MYO5C: variants seen among roughly 807,000 people sequenced by gnomAD.
The protein encoded by MYO5C is unconventional myosin-Vc.
In MYO5C, 194 loss-of-function variants were observed where a neutral mutation model predicts 235.7. That is an observed-to-expected ratio of 0.82 (90% CI 0.73 to 0.93). The LOEUF is 0.93. MYO5C is among the 40% of genes least tolerant of loss of function. MYO5C has a pLI of 0.00. For synonymous variants in MYO5C, 707 were observed against 754.8 expected, an observed-to-expected ratio of 0.94 and a Z score of 1.04; for missense variants, 2,038 against 2,127.2, an observed-to-expected ratio of 0.96 and a Z score of 0.82.
At position 52,269,814 on chromosome 15, in the gene MYO5C, G is replaced by A. The variant is rs770291048; in HGVS notation, c.879C>T (p.Val293=). ...FNYTRMGGNT[V]IEGVNDRAEM... ...CAGCTCGATCATTCACACCCTCAATGACAGTATTGCCTCCCATTCTTGTAT... is the reference window on the plus strand; with the variant it reads ...CAGCTCGATCATTCACACCCTCAATAACAGTATTGCCTCCCATTCTTGTAT... The change falls in exon 8 of 41, where the codon GTC becomes GTT. Residue 293 remains valine, a synonymous_variant. Coordinates refer to ENST00000261839, the MANE Select transcript of MYO5C (RefSeq NM_018728.4). 1 of 1,613,508 alleles carries A rather than the reference G, an allele frequency of 6.2e-7. No homozygotes were observed. The highest frequency in any genetic ancestry group is 2.2e-5 in the East Asian group (1 of 44,860).
At chr15:52,256,196 G>A (rs555101699) in intron 11 of MYO5C, among the ~76,000 whole-genome samples, 1 of 152,288 alleles carries the variant, frequency 6.6e-6, no homozygotes, top group African/African-American at 2.4e-5. Context: ...AGGAGGTATC[G>A]CAGGAGGCTC....
At chr15:52,239,194 G>GC (rs1336558019) in intron 21 of MYO5C, among the ~76,000 whole-genome samples, 2 of 151,238 alleles carry the variant, frequency 1.3e-5, no homozygotes, top group South Asian at 2.1e-4. Context: ...CAGGTGATCC[G>GC]CCCCCCATGG....
chr15:52,198,571 TTGC>T (rs1460636573), intron 38 of MYO5C, among the ~76,000 whole-genome samples: 2 of 152,060 alleles, frequency 1.3e-5, no homozygotes, highest in Admixed American at 6.5e-5. Context: ...GTTGTTGTTG[TTGC>T]TTTTTGTTTG....
At chr15:52,272,412 A>G (rs2036943620) in intron 6 of MYO5C, among the ~76,000 whole-genome samples, 168 bp downstream of exon 6, 1 of 152,222 alleles carries the variant, frequency 6.6e-6, no homozygotes, top group African/African-American at 2.4e-5. Context: ...ACACCTATTC[A>G]TCCATCAATT....
At chr15:52,195,962 C>CTTTTT (rs71130140) in intron 39 of MYO5C, among the ~76,000 whole-genome samples, 924 of 80,840 alleles carry the variant, frequency 0.011, 53 homozygotes, top group East Asian at 0.029. Context: ...TCACACCCAG[C>CTTTTT]TTTTTTTTTT....
chr15:52,249,955 C>T (rs955782011), intron 13 of MYO5C, among the ~76,000 whole-genome samples: 3 of 152,214 alleles, frequency 2.0e-5, no homozygotes, highest in South Asian at 4.1e-4. Context: ...CCAGCCCAAA[C>T]GCTGCCTAGT....
rs1439958734 is a variant in MYO5C, at chr15:52,248,783, C to T, written c.1663G>A (p.Val555Ile). 1 of 1,608,342 alleles carries T rather than the reference C, an allele frequency of 6.2e-7. No homozygotes were observed. The highest frequency in any genetic ancestry group is 8.5e-7 in the Non-Finnish European group (1 of 1,174,974). The change falls in exon 14 of 41, where the codon GTA becomes ATA. Residue 555 changes from valine to isoleucine, a missense_variant and splice_region_variant. Physicochemically the swap from Val to Ile is conservative, Grantham distance 29. Coordinates refer to ENST00000261839, the MANE Select transcript of MYO5C (RefSeq NM_018728.4). ...SFVIQHFADK[V>I]EYKCEGFLEK... ...AGGAAACCTTCACATTTATACTCTACCTATACAGAGAAAGCAATTAATTAT... is the reference window on the plus strand; with the variant it reads ...AGGAAACCTTCACATTTATACTCTATCTATACAGAGAAAGCAATTAATTAT...
intron 29 of MYO5C, 57 bp downstream of exon 29, chr15:52,223,487 G>C: frequency 6.7e-7 from 1 of 1,500,424 alleles, no homozygotes. Flanking sequence ...TGACGCCACT[G>C]ACAAAGAACA....
intron 33 of MYO5C, among the ~76,000 whole-genome samples, chr15:52,213,750 A>G (rs3794550): frequency 0.66 from 100,952 of 152,200 alleles, 37,037 homozygotes; most frequent in Non-Finnish European, 0.83. Context: ...ATGTTTAATC[A>G]TACAGCTCTG....
chr15:52,223,862 G>C, intron 28 of MYO5C, 138 bp from the exon 29 acceptor site: 1 of 661,736 alleles, frequency 1.5e-6, no homozygotes, highest in Non-Finnish European at 2.4e-6. Flanking sequence ...ACGGTTACAG[G>C]CTACAGAATC....
At chr15:52,229,998 C>T (rs540677072) in intron 24 of MYO5C, among the ~76,000 whole-genome samples, 1 of 152,338 alleles carries the variant, frequency 6.6e-6, no homozygotes, top group South Asian at 2.1e-4. Context: ...CTGCTAAGTC[C>T]TGGCTCCTTC....
intron 32 of MYO5C, 137 bp downstream of exon 32, chr15:52,218,382 G>T: frequency 1.1e-6 from 1 of 891,288 alleles, no homozygotes; most frequent in Non-Finnish European, 1.7e-6. Flanking sequence ...CTGTCTTTTG[G>T]GATAAGAAAA....
chr15:52,242,297 G>A (rs1490103166), intron 19 of MYO5C, 84 bp from the exon 20 acceptor site: 5 of 1,422,464 alleles, frequency 3.5e-6, no homozygotes, highest in Non-Finnish European at 4.8e-6. Context: ...GCTAGCATGT[G>A]TTTATAAGGA....
At chr15:52,270,190 G>A (rs771158587) in intron 7 of MYO5C, among the ~76,000 whole-genome samples, 13 of 152,286 alleles carry the variant, frequency 8.5e-5, no homozygotes, top group East Asian at 1.9e-4. Context: ...GCTGACGTGG[G>A]AGGATCACTT....
intron 28 of MYO5C, 85 bp from the exon 29 acceptor site, chr15:52,223,809 A>G (rs950882080): frequency 1.6e-6 from 2 of 1,250,808 alleles, no homozygotes; most frequent in Non-Finnish European, 2.2e-6. Flanking sequence ...AAGACCCACA[A>G]CAAGAGCCGT....
At chr15:52,241,751 T>TGAGA (rs56402436) in intron 20 of MYO5C, among the ~76,000 whole-genome samples, 46 of 150,266 alleles carry the variant, frequency 3.1e-4, no homozygotes, top group South Asian at 8.5e-4. Flanking sequence ...TGTGTGTGTG[T>TGAGA]GAGAGAGAGA....
At chr15:52,290,266 A>G (rs1208414443) in intron 1 of MYO5C, among the ~76,000 whole-genome samples, 1 of 152,152 alleles carries the variant, frequency 6.6e-6, no homozygotes, top group Non-Finnish European at 1.5e-5. Context: ...ATTAAAGACT[A>G]AGTATTTCAG....
At chr15:52,260,732 G>A (rs2036676282) in intron 10 of MYO5C, 130 bp downstream of exon 10, 1 of 1,044,236 alleles carries the variant, frequency 9.6e-7, no homozygotes, top group Non-Finnish European at 1.4e-6. Flanking sequence ...AGCATCTATA[G>A]GGGCAAAAGC....
At position 52,197,770 on chromosome 15, in the gene MYO5C, G is replaced by A. The variant is rs1270430604; in HGVS notation, c.4821-1287C>T. Among the ~76,000 whole-genome samples, 7 of 151,980 alleles carry A rather than the reference G, an allele frequency of 4.6e-5. No individual in the cohort carries two copies. The East Asian group carries it at 1.4e-3, about 30-fold the overall frequency. Reference sequence around the variant, plus strand: ...CCTGCCTTAGCCTCCTGAGTAGCTGGGATTACAGGCGCCTGCCACTACACC... The same window carrying A: ...CCTGCCTTAGCCTCCTGAGTAGCTGAGATTACAGGCGCCTGCCACTACACC... On this transcript the variant is annotated intron_variant, in intron 38 of 40. Transcript: ENST00000261839.
Sources: gnomAD v4.1 joint callset for allele counts (sites outside exome capture counted in the v4.1 genomes callset) on GRCh38, gnomAD v4.1.1 for gene constraint, MANE v1.5 for transcripts, NCBI Gene and HGNC (gene_info 2026-07-23, HGNC 2026-07-21) for gene names.